LHFPL2: variants seen among roughly 807,000 people sequenced by gnomAD.
The protein encoded by LHFPL2 is LHFPL tetraspan subfamily member 2 protein.
Under a neutral mutation model 17.5 loss-of-function variants are expected in LHFPL2, and 7 were observed. The observed-to-expected ratio is 0.40, with a 90% confidence interval of 0.23 to 0.75. LHFPL2 has a LOEUF of 0.75. Ranked by LOEUF, LHFPL2 falls within the 30% of genes least tolerant of loss-of-function variation. The pLI, the probability that LHFPL2 is intolerant of heterozygous loss-of-function variation, is 0.37. For missense variants in LHFPL2, 241 were observed against 294.8 expected, an observed-to-expected ratio of 0.82 and a Z score of 1.34; for synonymous variants, 134 against 116.2, an observed-to-expected ratio of 1.15 and a Z score of -0.99.
chr5:78,583,544 C>T (rs890054179), intron 2 of LHFPL2, among the ~76,000 whole-genome samples: 4 of 150,960 alleles, frequency 2.6e-5, no homozygotes, highest in Admixed American at 2.0e-4. Flanking sequence ...ACTTATGAAG[C>T]TTAATTTGGC....
intron 3 of LHFPL2, among the ~76,000 whole-genome samples, chr5:78,533,020 C>T (rs935706265): frequency 5.9e-5 from 9 of 152,230 alleles, no homozygotes; most frequent in African/African-American, 2.2e-4. Flanking sequence ...GGGACCATCT[C>T]TTGTCCTCTC....
intron 1 of LHFPL2, among the ~76,000 whole-genome samples, chr5:78,638,184 C>T (rs534841288): frequency 3.5e-4 from 54 of 152,182 alleles, no homozygotes; most frequent in South Asian, 2.1e-4. Context: ...GAAACCCCAC[C>T]TCTACTAAAA....
In LHFPL2 at chr5:78,583,076, T is replaced by C. The variant is rs563649223; in HGVS notation, c.-244-18205A>G. ...TCTTTTGATCTTTGTTGCTTTAAAGTCTGTTTTATCAGAGACTAGGATTGC... is the reference window on the plus strand; with the variant it reads ...TCTTTTGATCTTTGTTGCTTTAAAGCCTGTTTTATCAGAGACTAGGATTGC... On this transcript the variant is annotated intron_variant, in intron 2 of 4. Coordinates refer to ENST00000380345, the MANE Select transcript of LHFPL2 (RefSeq NM_005779.3). 7.9e-3 allele frequency among the ~76,000 whole-genome samples: 1,205 copies of C among 152,268 alleles called. 7 individuals carry two copies. The highest frequency in any genetic ancestry group is 0.026 in the South Asian group (125 of 4,808).
intron 4 of LHFPL2, among the ~76,000 whole-genome samples, chr5:78,502,802 A>G (rs1280310151): frequency 2.0e-5 from 3 of 152,170 alleles, no homozygotes; most frequent in African/African-American, 7.2e-5. Flanking sequence ...ACTACAGCAA[A>G]CCAGGTGCTG....
At chr5:78,539,121 G>T (rs72760985) in intron 3 of LHFPL2, among the ~76,000 whole-genome samples, 1 of 152,126 alleles carries the variant, frequency 6.6e-6, no homozygotes, top group South Asian at 2.1e-4. Context: ...CCACCCTCAC[G>T]GATGGGATCA....
chr5:78,537,787 A>G lies in LHFPL2; in HGVS notation c.-186+27026T>C, dbSNP rs116122530. Among the ~76,000 whole-genome samples the G allele has an allele frequency of 8.7e-3, 1,322 of 152,250 alleles. 10 individuals carry two copies. Among genetic ancestry groups the G allele is most frequent in the Non-Finnish European group, 0.013 (874 of 68,006 alleles). The stretch of plus-strand genomic sequence containing the variant: ...TTGAAAGCTTGATATTCTAATCCCA[A>G]CTTCCCAGATGATAGAGGTATACAT... On this transcript the variant is annotated intron_variant, in intron 3 of 4. Transcript: ENST00000380345.
chr5:78,549,710 A>C (rs1344081363), intron 3 of LHFPL2, among the ~76,000 whole-genome samples: 1 of 152,254 alleles, frequency 6.6e-6, no homozygotes, highest in Non-Finnish European at 1.5e-5. Context: ...AAGTCTGGTC[A>C]TGAGTTCTGG....
intron 2 of LHFPL2, among the ~76,000 whole-genome samples, chr5:78,630,048 T>C (rs1224746994): frequency 6.6e-6 from 1 of 152,170 alleles, no homozygotes; most frequent in Non-Finnish European, 1.5e-5. Context: ...GTAGTCAAGA[T>C]TCAACTAGCG....
intron 3 of LHFPL2, among the ~76,000 whole-genome samples, chr5:78,527,196 G>A (rs112989837): frequency 0.019 from 2,965 of 152,210 alleles, 84 homozygotes; most frequent in African/African-American, 0.067. Flanking sequence ...GAGTGACTAA[G>A]TGTTCCTCTC....
intron 3 of LHFPL2, among the ~76,000 whole-genome samples, chr5:78,545,709 A>C (rs1167880076): frequency 1.3e-5 from 2 of 152,206 alleles, no homozygotes; most frequent in African/African-American, 2.4e-5. Context: ...AAACAAACCT[A>C]AGTGCCTGTT....
chr5:78,564,396 C>T (rs1224248048), intron 3 of LHFPL2, among the ~76,000 whole-genome samples: 1 of 152,158 alleles, frequency 6.6e-6, no homozygotes, highest in Admixed American at 6.5e-5. Flanking sequence ...TCCATATGAG[C>T]TATCACTGAG....
At chr5:78,544,188 C>CA (rs1756198695) in intron 3 of LHFPL2, among the ~76,000 whole-genome samples, 1 of 152,226 alleles carries the variant, frequency 6.6e-6, no homozygotes, top group Non-Finnish European at 1.5e-5. Flanking sequence ...TTGAAGCCCC[C>CA]AACCTGTGAG....
chr5:78,489,527 C>T (rs547228879), intron 4 of LHFPL2, among the ~76,000 whole-genome samples: 3 of 152,286 alleles, frequency 2.0e-5, no homozygotes, highest in African/African-American at 7.2e-5. Flanking sequence ...TCTCAGCCTC[C>T]CAAGTAGCTC....
intron 2 of LHFPL2, among the ~76,000 whole-genome samples, chr5:78,568,786 T>A (rs1756923634): frequency 6.6e-6 from 1 of 152,030 alleles, no homozygotes; most frequent in African/African-American, 2.4e-5. Context: ...AGACCTGAGG[T>A]CTATGCCCAT....
rs1755055679 is a variant in LHFPL2 at position 78,509,971 on chromosome 5, C to T, written c.243G>A (p.Leu81=). The change falls in exon 4 of 5, where the codon CTG becomes CTA. Residue 81 remains leucine (L), a synonymous_variant. Coordinates refer to ENST00000380345, the MANE Select transcript of LHFPL2 (RefSeq NM_005779.3). ...PGVQHFQRDT[L]CGPYAESFGE... is the part of the protein sequence containing the mutation. ...CGAAGCTCTCGGCGTAGGGCCCGCA[C>T]AGCGTGTCCCGCTGGAAGTGCTGCA... is the stretch of plus-strand genomic sequence containing the variant. The T allele has an allele frequency of 3.7e-6, 6 of 1,613,740 alleles. No homozygotes were observed. Among genetic ancestry groups the T allele is most frequent in the Non-Finnish European group, 4.2e-6 (5 of 1,179,982 alleles).
intron 2 of LHFPL2, among the ~76,000 whole-genome samples, chr5:78,617,966 G>A (rs951549817): frequency 1.3e-5 from 2 of 152,114 alleles, no homozygotes; most frequent in African/African-American, 4.8e-5. Flanking sequence ...ACTTTGGGAG[G>A]CCAAGACAGG....
chr5:78,565,123 T>C (rs912381885), intron 2 of LHFPL2, among the ~76,000 whole-genome samples: 2 of 152,182 alleles, frequency 1.3e-5, no homozygotes, highest in African/African-American at 4.8e-5. Context: ...TGTGAACATG[T>C]ACCTAATTAC....
chr5:78,506,721 A>AT lies in LHFPL2; in HGVS notation c.430+3062dup, dbSNP rs539468921. Among the ~76,000 whole-genome samples the AT allele has an allele frequency of 3.0e-4, 46 of 151,970 alleles. 1 individual carries two copies. The South Asian group carries it at 5.8e-3, about 19-fold the overall frequency. ...GATAGCTCAGTCCCTCTTTTTTATG[A>AT]TTTTTTCTCTGAGGGGTGATGCTAG... On this transcript the variant is annotated intron_variant, in intron 4 of 4. Coordinates refer to ENST00000380345, the MANE Select transcript of LHFPL2 (RefSeq NM_005779.3).
chr5:78,568,965 C>G (rs949544662), intron 2 of LHFPL2, among the ~76,000 whole-genome samples: 4 of 152,150 alleles, frequency 2.6e-5, no homozygotes, highest in Non-Finnish European at 5.9e-5. Context: ...GCCACTTAAG[C>G]TAAATCACAC....
Sources: gnomAD v4.1 joint callset for allele counts (sites outside exome capture counted in the v4.1 genomes callset) on GRCh38, gnomAD v4.1.1 for gene constraint, MANE v1.5 for transcripts, NCBI Gene and HGNC (gene_info 2026-07-23, HGNC 2026-07-21) for gene names.